The following SPEF2 variants were observed in gnomAD, a reference collection of about 807,000 sequenced individuals.
SPEF2 encodes sperm flagellar and cilia associated 2, also known as sperm flagella and cilia-associated protein 2.
A neutral mutation model predicts 224.6 loss-of-function variants in SPEF2; 187 were observed. The ratio of observed to expected loss-of-function variants is 0.83; its 90% confidence interval spans 0.74 to 0.94. The LOEUF (loss-of-function observed/expected upper bound fraction) is 0.94, where lower values mean the gene tolerates loss of function less well. Among genes scored for constraint, SPEF2 ranks in the 40% least tolerant of loss-of-function variants. The pLI is 0.00. For synonymous variants in SPEF2, 715 were observed against 707.3 expected (o/e 1.01, Z -0.17); for missense variants, 2,170 against 2,135.6 (o/e 1.02, Z -0.32).
chr5:35,662,581 A>T (rs1235890100), intron 8 of SPEF2, among the ~76,000 whole-genome samples: 4 of 152,170 alleles, frequency 2.6e-5, no homozygotes, highest in Admixed American at 2.6e-4. Context: ...TAAGTCTTTA[A>T]TCCATCTTGA....
chr5:35,755,224 A>G (rs1315893838), intron 24 of SPEF2, among the ~76,000 whole-genome samples: 1 of 152,246 alleles, frequency 6.6e-6, no homozygotes, highest in African/African-American at 2.4e-5. Flanking sequence ...CATGGGTTGT[A>G]TGCAAAGATT....
intron 1 of SPEF2, among the ~76,000 whole-genome samples, chr5:35,624,797 C>T (rs560492572): frequency 4.6e-5 from 7 of 152,234 alleles, no homozygotes; most frequent in South Asian, 2.1e-4. Flanking sequence ...CCACCATGCC[C>T]GGCTACTTTT....
chr5:35,800,054 A>T lies in SPEF2; in HGVS notation c.4917A>T (p.Pro1639=). The T allele has an allele frequency of 6.2e-7, 1 of 1,614,132 alleles. No individual in the cohort carries two copies. Among genetic ancestry groups the T allele is most frequent in the Non-Finnish European group, 8.5e-7 (1 of 1,180,020 alleles). The change falls in exon 34 of 37, where the codon CCA becomes CCT. Residue 1639 remains proline (P), a synonymous_variant. Coordinates refer to ENST00000356031, the MANE Select transcript of SPEF2 (RefSeq NM_024867.4). The part of the protein sequence containing the change: ...TQMLLYFACH[P]DTVEGVYRAL... The stretch of plus-strand genomic sequence containing the variant: ...TGCTGCTTTACTTTGCTTGCCACCC[A>T]GACACCGTGGAAGGAGTCTACAGGG...
intron 10 of SPEF2, among the ~76,000 whole-genome samples, chr5:35,687,865 A>G (rs1326135718): frequency 6.6e-5 from 10 of 152,256 alleles, no homozygotes; most frequent in African/African-American, 1.2e-4. Flanking sequence ...CAGAATCTAT[A>G]CATTTTTTGT....
Position 35,693,434 on chromosome 5 carries a change from T to C in SPEF2, c.1899+710T>C, listed in dbSNP as rs544008371. Among the ~76,000 whole-genome samples the C allele has an allele frequency of 2.0e-5, 3 of 152,194 alleles. No homozygotes were observed. In the East Asian group the frequency reaches 5.8e-4, roughly 29 times the overall value. ...CTGATCTATATTAGTAGATCTCAATTGGGGGATGGCTCTCTGAAAGGTTTA... is the reference window on the plus strand; with the variant it reads ...CTGATCTATATTAGTAGATCTCAATCGGGGGATGGCTCTCTGAAAGGTTTA... On this transcript the variant is annotated intron_variant, in intron 12 of 36. Coordinates refer to ENST00000356031, the MANE Select transcript of SPEF2 (RefSeq NM_024867.4).
At chr5:35,690,847 T>A (rs1243672553) in intron 10 of SPEF2, among the ~76,000 whole-genome samples, 190 bp from the exon 11 acceptor site, 1 of 152,156 alleles carries the variant, frequency 6.6e-6, no homozygotes, top group Non-Finnish European at 1.5e-5. Context: ...TTTGCTTTTA[T>A]GTAGAAAGCA....
chr5:35,746,821 A>T (rs1393037464), intron 23 of SPEF2, among the ~76,000 whole-genome samples: 2 of 152,194 alleles, frequency 1.3e-5, no homozygotes, highest in East Asian at 3.9e-4. Context: ...AGTACAAAGA[A>T]CACCTGGGAA....
intron 4 of SPEF2, among the ~76,000 whole-genome samples, chr5:35,646,340 C>T (rs904277403): frequency 2.0e-5 from 3 of 152,136 alleles, no homozygotes; most frequent in Admixed American, 6.6e-5. Flanking sequence ...AAGGTCATGG[C>T]AGTAGGATTG....
intron 10 of SPEF2, among the ~76,000 whole-genome samples, chr5:35,680,695 G>A (rs917851297): frequency 6.6e-6 from 1 of 152,178 alleles, no homozygotes; most frequent in Non-Finnish European, 1.5e-5. Flanking sequence ...TGGAAGGGAT[G>A]AAATTCAGTT....
At chr5:35,629,751 T>C (rs932312858) in intron 2 of SPEF2, among the ~76,000 whole-genome samples, 1 of 152,190 alleles carries the variant, frequency 6.6e-6, no homozygotes, top group African/African-American at 2.4e-5. Context: ...TCTGTCTCTA[T>C]GGATTTGCCT....
intron 16 of SPEF2, 36 bp downstream of exon 16, chr5:35,700,788 A>AAGAGTTTTCAT: frequency 6.2e-7 from 1 of 1,602,868 alleles, no homozygotes; most frequent in Non-Finnish European, 8.5e-7. Flanking sequence ...TCTTTTTACA[A>AAGAGTTTTCAT]TGAAAACTCT....
chr5:35,707,048 T>G (rs1739921241), intron 18 of SPEF2, among the ~76,000 whole-genome samples: 1 of 152,204 alleles, frequency 6.6e-6, no homozygotes, highest in Non-Finnish European at 1.5e-5. Context: ...ATTAATAGAC[T>G]CAGTTATCAC....
chr5:35,781,322 T>C (rs369874555), intron 30 of SPEF2: 5 of 152,166 alleles, frequency 3.3e-5, no homozygotes, highest in African/African-American at 1.2e-4. Flanking sequence ...AAAGCATCAG[T>C]GTGCCCTGAA....
At chr5:35,667,336 G>A in intron 9 of SPEF2, 77 bp downstream of exon 9, 4 of 1,255,094 alleles carry the variant, frequency 3.2e-6, no homozygotes, top group Non-Finnish European at 4.4e-6. Context: ...TAGATACTAG[G>A]ATGATAAGTA....
chr5:35,712,853 G>A lies in SPEF2; in HGVS notation c.2881G>A (p.Gly961Arg). Residue 961 changes from glycine (G) to arginine (R), a missense_variant, in exon 20 of 37, where the codon GGG becomes AGG. Physicochemically the swap from Gly to Arg is moderately radical, Grantham distance 125. Transcript: ENST00000356031. Reference sequence around the variant, plus strand: ...GCAAGAATCTCTTCAGGAAGGAAAAGGGAAGAAAGGTGAGACCGCACTCAA... The same window carrying A: ...GCAAGAATCTCTTCAGGAAGGAAAAAGGAAGAAAGGTGAGACCGCACTCAA... The part of the protein sequence containing the change: ...GKQESLQEGK[G>R]KKGETALKRK... The A allele has an allele frequency of 6.2e-7, 1 of 1,613,812 alleles. No homozygotes were observed. Among genetic ancestry groups the A allele is most frequent in the Non-Finnish European group, 8.5e-7 (1 of 1,179,926 alleles).
chr5:35,803,819 C>A (rs1757746253), intron 34 of SPEF2, among the ~76,000 whole-genome samples: 1 of 152,244 alleles, frequency 6.6e-6, no homozygotes, highest in African/African-American at 2.4e-5. Context: ...ATCTCCCCAG[C>A]ATTTCATTCT....
intron 10 of SPEF2, among the ~76,000 whole-genome samples, chr5:35,690,740 A>T (rs1217858809): frequency 6.6e-6 from 1 of 152,176 alleles, no homozygotes; most frequent in Non-Finnish European, 1.5e-5. Flanking sequence ...CTTACTGGTG[A>T]TAACATCAAT....
chr5:35,688,786 AAG>A (rs1314435784), intron 10 of SPEF2, among the ~76,000 whole-genome samples: 2 of 152,210 alleles, frequency 1.3e-5, no homozygotes, highest in African/African-American at 2.4e-5. Context: ...ATACTTGTGT[AAG>A]AGTTGTGTGA....
rs572527097 is a variant in SPEF2, at chr5:35,811,811, T to C, written c.5380-2653T>C. 7.6e-4 allele frequency among the ~76,000 whole-genome samples: 110 copies of C among 144,934 alleles called. 1 individual carries two copies. The highest frequency in any genetic ancestry group is 2.8e-3 in the African/African-American group (107 of 38,554). On this transcript the variant is annotated intron_variant, in intron 36 of 36. Coordinates refer to ENST00000356031, the MANE Select transcript of SPEF2 (RefSeq NM_024867.4). Reference sequence around the variant, plus strand: ...TTGAGACAGAGTCTCGCTCTGTTGCTCAGGCTGGAGGGTTGGATTGCTGGA... The same window carrying C: ...TTGAGACAGAGTCTCGCTCTGTTGCCCAGGCTGGAGGGTTGGATTGCTGGA...
Sources: allele counts gnomAD v4.1 joint callset (sites outside exome capture counted in the v4.1 genomes callset), GRCh38; gene constraint gnomAD v4.1.1; transcripts MANE v1.5; gene names NCBI Gene and HGNC (gene_info 2026-07-23, HGNC 2026-07-21).